Variants in CDH18 observed in about 807,000 individuals in gnomAD.
CDH18 encodes the protein cadherin 18, also known as cadherin-18.
Under a neutral mutation model 67.9 loss-of-function variants are expected in CDH18, and 31 were observed. The ratio of observed to expected loss-of-function variants is 0.46; its 90% CI spans 0.34 to 0.62. The LOEUF is 0.62. Among genes scored for constraint, CDH18 ranks in the 20% least tolerant of loss-of-function variants. The pLI, the probability that CDH18 is intolerant of heterozygous loss-of-function variation, is 0.01. For missense variants in CDH18, 890 were observed against 975.5 expected, an observed-to-expected ratio of 0.91 and a Z score of 1.17; for synonymous variants, 362 against 347.2, an observed-to-expected ratio of 1.04 and a Z score of -0.48.
intron 1 of CDH18, among the ~76,000 whole-genome samples, chr5:20,258,048 A>G (rs975919061): frequency 6.6e-6 from 1 of 152,094 alleles, no homozygotes; most frequent in African/African-American, 2.4e-5. Context: ...TCATTCTCCA[A>G]TTTATAGGTT....
At chr5:19,790,810 T>A (rs1279838439) in intron 3 of CDH18, among the ~76,000 whole-genome samples, 1 of 151,888 alleles carries the variant, frequency 6.6e-6, no homozygotes, top group Non-Finnish European at 1.5e-5. Flanking sequence ...AGGTGAAAAA[T>A]GATGGCAAAT....
intron 1 of CDH18, among the ~76,000 whole-genome samples, chr5:20,497,515 T>C (rs1391153154): frequency 1.1e-4 from 16 of 152,112 alleles, no homozygotes; most frequent in Non-Finnish European, 1.5e-5. Flanking sequence ...CTGTACTATA[T>C]ACTGTAGGCT....
chr5:20,546,744 T>TACACACACACACAC (rs1321490632), intron 1 of CDH18, among the ~76,000 whole-genome samples: 10 of 71,898 alleles, frequency 1.4e-4, no homozygotes, highest in African/African-American at 4.8e-4. Flanking sequence ...ATCACATACA[T>TACACACACACACAC]ACATAGACAC....
chr5:19,832,470 A>G lies in CDH18; in HGVS notation c.228+6289T>C, dbSNP rs537965481. ...GTTTGCTGGCATTTCTGTGACAGGG[A>G]GGAATAGAAAAGATACTTCTCAGCT... On this transcript the variant is annotated intron_variant, in intron 3 of 12. Transcript: ENST00000382275. Among the ~76,000 whole-genome samples the G allele has an allele frequency of 5.9e-5, 9 of 152,154 alleles. No individual in the cohort carries two copies. In the South Asian group the frequency reaches 1.0e-3, roughly 18 times the overall value.
intron 12 of CDH18, among the ~76,000 whole-genome samples, chr5:19,479,385 C>T (rs779668442): frequency 3.3e-5 from 5 of 151,876 alleles, no homozygotes; most frequent in Non-Finnish European, 7.4e-5. Flanking sequence ...ATATTTATGC[C>T]GAAAATCATA....
At chr5:20,025,654 T>C (rs773588667) in intron 2 of CDH18, among the ~76,000 whole-genome samples, 3 of 152,242 alleles carry the variant, frequency 2.0e-5, no homozygotes, top group African/African-American at 4.8e-5. Flanking sequence ...GATTTTCTTT[T>C]TCTTTCAACA....
upstream of CDH18, among the ~76,000 whole-genome samples, chr5:19,991,191 G>A (rs1288379747): frequency 6.6e-6 from 1 of 152,176 alleles, no homozygotes; most frequent in Non-Finnish European, 1.5e-5. Flanking sequence ...AATTTAGCAA[G>A]TTATGTGATG....
intron 1 of CDH18, among the ~76,000 whole-genome samples, chr5:20,406,370 G>T (rs4866185): frequency 0.11 from 15,920 of 151,560 alleles, 1,033 homozygotes; most frequent in East Asian, 0.25. Flanking sequence ...ACTCATAGGT[G>T]GGAATTGAAC....
intron 2 of CDH18, among the ~76,000 whole-genome samples, chr5:19,846,910 G>T (rs960784094): frequency 3.2e-5 from 4 of 123,160 alleles, no homozygotes; most frequent in Admixed American, 1.7e-4. Flanking sequence ...TTGTCGGCAA[G>T]ATTTTTTTTC....
chr5:20,104,122 T>C (rs960555128), intron 2 of CDH18, among the ~76,000 whole-genome samples: 27 of 150,960 alleles, frequency 1.8e-4, no homozygotes, highest in Non-Finnish European at 1.9e-4. Flanking sequence ...TATTTATAGA[T>C]ATATATGCAT....
chr5:20,133,843 C>T (rs996513654), intron 2 of CDH18, among the ~76,000 whole-genome samples: 39 of 152,196 alleles, frequency 2.6e-4, no homozygotes, highest in African/African-American at 7.5e-4. Context: ...GACTTGGTGT[C>T]TGCCATTAAT....
intron 2 of CDH18, among the ~76,000 whole-genome samples, chr5:20,090,800 C>A (rs539655048): frequency 6.6e-6 from 1 of 151,872 alleles, no homozygotes; most frequent in South Asian, 2.1e-4. Flanking sequence ...GAGGCCAAGG[C>A]GGCCAGATCA....
At chr5:20,131,701 G>T (rs906403294) in intron 2 of CDH18, among the ~76,000 whole-genome samples, 1 of 151,972 alleles carries the variant, frequency 6.6e-6, no homozygotes, top group African/African-American at 2.4e-5. Context: ...AAAATATAAT[G>T]AACTTTATGC....
chr5:19,699,160 A>C (rs1255477660), intron 5 of CDH18, among the ~76,000 whole-genome samples: 2 of 152,142 alleles, frequency 1.3e-5, no homozygotes, highest in Non-Finnish European at 2.9e-5. Flanking sequence ...TATTCAATAC[A>C]CATACAAGCA....
At chr5:20,181,730 G>T (rs1312804666) in intron 2 of CDH18, among the ~76,000 whole-genome samples, 3 of 151,988 alleles carry the variant, frequency 2.0e-5, no homozygotes, top group African/African-American at 7.3e-5. Flanking sequence ...GTTATCCAGG[G>T]CCTGCTTGCG....
At chr5:20,415,337 A>AGG (rs565316969) in intron 1 of CDH18, among the ~76,000 whole-genome samples, 2 of 150,606 alleles carry the variant, frequency 1.3e-5, no homozygotes, top group Non-Finnish European at 3.0e-5. Context: ...CAGTGAGCAG[A>AGG]GATCACACCA....
chr5:20,171,315 T>A lies in CDH18; in HGVS notation c.-518+84129A>T, dbSNP rs1736689446. Among the ~76,000 whole-genome samples the A allele has an allele frequency of 2.0e-5, 3 of 152,130 alleles. No homozygotes were observed. The South Asian group carries it at 6.2e-4, about 32-fold the overall frequency. ...TCACACTGCTTTCCACAGGTTGAAC[T>A]AATTTACACTCCTACCAAAAGTGTA... On this transcript the variant is annotated intron_variant, in intron 2 of 14. Transcript: ENST00000507958.
At chr5:19,690,444 T>A (rs1441066594) in intron 5 of CDH18, among the ~76,000 whole-genome samples, 1 of 150,866 alleles carries the variant, frequency 6.6e-6, no homozygotes. Context: ...ATAGAAATAA[T>A]AAAGACCAGA....
At chr5:20,231,146 C>G (rs1209146811) in intron 2 of CDH18, among the ~76,000 whole-genome samples, 2 of 152,158 alleles carry the variant, frequency 1.3e-5, no homozygotes, top group African/African-American at 4.8e-5. Flanking sequence ...ATCTACAAAA[C>G]TTGAAATCAA....
Sources: allele counts gnomAD v4.1 joint callset (sites outside exome capture counted in the v4.1 genomes callset), GRCh38; gene constraint gnomAD v4.1.1; transcripts MANE v1.5; gene names NCBI Gene and HGNC (gene_info 2026-07-23, HGNC 2026-07-21).